The following FMNL2 variants were observed in gnomAD, a reference collection of about 807,000 sequenced individuals.
FMNL2 encodes formin-like protein 2.
In FMNL2, 51 loss-of-function variants were observed where a neutral mutation model predicts 130.2. That is an observed-to-expected ratio of 0.39 (90% confidence interval 0.31 to 0.49). The LOEUF is 0.49. Ranked by LOEUF, FMNL2 falls within the 20% of genes least tolerant of loss-of-function variation. FMNL2 has a pLI of 0.85. For synonymous variants in FMNL2, 465 were observed against 467.1 expected, an observed-to-expected ratio of 1.00 and a Z score of 0.06; for missense variants, 977 against 1,316.2, an observed-to-expected ratio of 0.74 and a Z score of 3.99.
chr2:152,647,874 G>T lies in FMNL2; in HGVS notation c.3248G>T (p.Arg1083Leu), dbSNP rs371321539. The change falls in exon 26 of 26, where the codon CGT (arginine) becomes CTT (leucine). Residue 1083 changes from arginine (R) to leucine (L), a missense_variant. Physicochemically the swap from Arg to Leu is moderately radical, Grantham distance 102. Coordinates refer to ENST00000288670, the MANE Select transcript of FMNL2 (RefSeq NM_052905.4). The stretch of plus-strand genomic sequence containing the variant: ...CGGCGCTTTGATGATCAGAACTTGC[G>T]TTCTGTTAATGGTGCCGAAATAACA... Reference protein sequence around the residue: ...VRRRFDDQNLRSVNGAEITM With the variant: ...VRRRFDDQNLLSVNGAEITM 6.2e-7 allele frequency: 1 copy of T among 1,613,734 alleles called. No homozygotes were observed. Among genetic ancestry groups the T allele is most frequent in the Non-Finnish European group, 8.5e-7 (1 of 1,179,822 alleles).
At chr2:152,381,293 C>G (rs925733546) in intron 1 of FMNL2, among the ~76,000 whole-genome samples, 1 of 152,154 alleles carries the variant, frequency 6.6e-6, no homozygotes, top group South Asian at 2.1e-4. Flanking sequence ...AAAATTTCTG[C>G]CATGGCATAT....
At chr2:152,500,362 TGTC>T (rs552704633) in intron 1 of FMNL2, among the ~76,000 whole-genome samples, 51 of 152,134 alleles carry the variant, frequency 3.4e-4, no homozygotes, top group African/African-American at 1.1e-3. Flanking sequence ...GTGGGAAAAA[TGTC>T]GTGTTCTATC....
chr2:152,364,422 ATCTT>A (rs1396190280), intron 1 of FMNL2, among the ~76,000 whole-genome samples: 1 of 152,088 alleles, frequency 6.6e-6, no homozygotes, highest in Admixed American at 6.5e-5. Context: ...TGGCAGTTCT[ATCTT>A]AAGTCTTTAT....
At chr2:152,359,536 A>G (rs1487907226) in intron 1 of FMNL2, among the ~76,000 whole-genome samples, 4 of 149,802 alleles carry the variant, frequency 2.7e-5, no homozygotes, top group Non-Finnish European at 5.9e-5. Context: ...AGGGAGAGTC[A>G]GGCATTAGGA....
chr2:152,427,601 C>CT (rs202245279), intron 1 of FMNL2, among the ~76,000 whole-genome samples: 2,673 of 151,000 alleles, frequency 0.018, 32 homozygotes, highest in Middle Eastern at 0.082. Context: ...CCATTATTGT[C>CT]TTTTTTTTTC....
chr2:152,461,354 T>C (rs1164224391), intron 1 of FMNL2, among the ~76,000 whole-genome samples: 1 of 119,194 alleles, frequency 8.4e-6, no homozygotes, highest in Non-Finnish European at 1.6e-5. Flanking sequence ...GTGAGATATT[T>C]TACTTTTTTT....
intron 2 of FMNL2, among the ~76,000 whole-genome samples, chr2:152,536,861 A>T (rs1348319340): frequency 6.6e-6 from 1 of 152,230 alleles, no homozygotes; most frequent in African/African-American, 2.4e-5. Flanking sequence ...TCCAAATGTG[A>T]TTTATGGAGC....
intron 1 of FMNL2, among the ~76,000 whole-genome samples, chr2:152,454,931 A>C (rs979411147): frequency 2.6e-5 from 4 of 152,192 alleles, no homozygotes; most frequent in African/African-American, 9.6e-5. Flanking sequence ...AGCTTGCATC[A>C]GTGCTGCGTC....
At chr2:152,576,868 A>C (rs1379383570) in intron 7 of FMNL2, among the ~76,000 whole-genome samples, 1 of 152,232 alleles carries the variant, frequency 6.6e-6, no homozygotes, top group South Asian at 2.1e-4. Flanking sequence ...CTGGATCAGA[A>C]TGAGTAAGAG....
intron 1 of FMNL2, among the ~76,000 whole-genome samples, chr2:152,403,720 G>A (rs775358810): frequency 2.0e-5 from 3 of 152,090 alleles, no homozygotes; most frequent in Non-Finnish European, 2.9e-5. Context: ...CCCAATTCAC[G>A]TCACCTTTGT....
intron 17 of FMNL2, among the ~76,000 whole-genome samples, chr2:152,628,037 T>C (rs752041940): frequency 1.3e-5 from 2 of 152,236 alleles, no homozygotes; most frequent in Non-Finnish European, 2.9e-5. Flanking sequence ...GCTATGCCAG[T>C]ACCCTAAAAA....
intron 9 of FMNL2, among the ~76,000 whole-genome samples, chr2:152,589,971 A>ATATG (rs1553482672): frequency 4.1e-5 from 2 of 48,342 alleles, no homozygotes; most frequent in East Asian, 7.4e-4. Flanking sequence ...ATATATATAT[A>ATATG]TATATATATA....
intron 2 of FMNL2, among the ~76,000 whole-genome samples, chr2:152,537,789 A>G (rs897760727): frequency 1.3e-5 from 2 of 152,212 alleles, no homozygotes; most frequent in Non-Finnish European, 2.9e-5. Context: ...CAAGATGAGC[A>G]TGCTTATTAT....
At chr2:152,621,782 ACTCT>A (rs955720860) in intron 15 of FMNL2, among the ~76,000 whole-genome samples, 1 of 151,990 alleles carries the variant, frequency 6.6e-6, no homozygotes, top group Admixed American at 6.6e-5. Context: ...GTGTTGAGTA[ACTCT>A]CTCTCTCACT....
At chr2:152,382,116 G>T (rs1003618497) in intron 1 of FMNL2, among the ~76,000 whole-genome samples, 3 of 151,982 alleles carry the variant, frequency 2.0e-5, no homozygotes, top group African/African-American at 7.2e-5. Context: ...TTTACATACC[G>T]GTTTTAACCA....
intron 1 of FMNL2, among the ~76,000 whole-genome samples, chr2:152,352,441 C>T (rs1262777035): frequency 2.6e-5 from 4 of 152,166 alleles, no homozygotes; most frequent in Non-Finnish European, 5.9e-5. Flanking sequence ...GACTCAAAAG[C>T]CGTGCTCCTA....
chr2:152,591,274 G>T (rs1006411331), intron 9 of FMNL2, among the ~76,000 whole-genome samples: 1 of 152,030 alleles, frequency 6.6e-6, no homozygotes, highest in Non-Finnish European at 1.5e-5. Context: ...TTCCCAAAGT[G>T]CTAGGATTAC....
intron 1 of FMNL2, among the ~76,000 whole-genome samples, chr2:152,410,969 C>T (rs942339593): frequency 1.3e-5 from 2 of 152,202 alleles, no homozygotes; most frequent in Non-Finnish European, 2.9e-5. Context: ...ACTAAGTGTA[C>T]TGATAGCTCT....
rs1332946107 is a variant in FMNL2 at position 152,618,931 on chromosome 2, C to T, written c.1400C>T (p.Thr467Ile). ...GAAGAAGCAATTCAAAGACAGTCTA[C>T]CCTGGAAAAAAAGATTCATGAGCTA... The part of the protein sequence containing the change: ...EKEEAIQRQS[T>I]LEKKIHELEK... Residue 467 changes from threonine (T) to isoleucine (I), a missense_variant, in exon 14 of 26, where the codon ACC becomes ATC. Physicochemically the swap from Thr to Ile is moderately conservative, Grantham distance 89. This residue lies in a region of FMNL2 where 689 missense variants were observed against 995.9 expected (regional missense o/e 0.69). Coordinates refer to ENST00000288670, the MANE Select transcript of FMNL2 (RefSeq NM_052905.4). The T allele has an allele frequency of 1.2e-6, 2 of 1,613,798 alleles. No homozygotes were observed. Among genetic ancestry groups the T allele is most frequent in the East Asian group, 2.2e-5 (1 of 44,898 alleles).
Sources: gnomAD v4.1 joint callset for allele counts (sites outside exome capture counted in the v4.1 genomes callset) on GRCh38, gnomAD v4.1.1 for gene constraint, gnomAD v4.1.1 regional missense constraint, MANE v1.5 for transcripts, NCBI Gene and HGNC (gene_info 2026-07-23, HGNC 2026-07-21) for gene names.